Variants in KDM4B observed in about 807,000 individuals in gnomAD.
KDM4B encodes the protein lysine demethylase 4B.
A neutral mutation model predicts 125.2 loss-of-function variants in KDM4B; 32 were observed. That is an observed-to-expected ratio of 0.26 (90% CI 0.19 to 0.34). The LOEUF is 0.34. Ranked by LOEUF, KDM4B falls within the 10% of genes least tolerant of loss-of-function variation. The pLI, the probability that KDM4B is intolerant of heterozygous loss-of-function variation, is 1.00. For synonymous variants in KDM4B, 721 were observed against 677.9 expected (o/e 1.06, Z -0.99); for missense variants, 1,190 against 1,577.7 (o/e 0.75, Z 4.16).
chr19:5,070,792 C>T, intron 6 of KDM4B: 2 of 504,274 alleles, frequency 4.0e-6, no homozygotes, highest in South Asian at 2.7e-5. Context: ...CCATGGTCCT[C>T]ACTCCCCGCT....
intron 6 of KDM4B, among the ~76,000 whole-genome samples, chr19:5,056,346 C>T (rs1445464222): frequency 1.3e-5 from 2 of 152,166 alleles, no homozygotes; most frequent in African/African-American, 4.8e-5. Flanking sequence ...TGGCACTCCC[C>T]CGCTTTCCAT....
At chr19:5,000,266 C>T (rs987484594) in intron 1 of KDM4B, among the ~76,000 whole-genome samples, 7 of 141,128 alleles carry the variant, frequency 5.0e-5, no homozygotes, top group African/African-American at 1.8e-4. Context: ...TCCACCCATT[C>T]ACATATCCGT....
chr19:5,119,233 TCGTTC>T (rs1381577168), intron 10 of KDM4B: 34 of 1,493,688 alleles, frequency 2.3e-5, no homozygotes, highest in Non-Finnish European at 3.0e-5. Flanking sequence ...AGTGTCTTTT[TCGTTC>T]CGTTTGTCGT....
rs557045062 is a variant in KDM4B at position 4,971,273 on chromosome 19, T to C, written c.-109+2043T>C. On this transcript the variant is annotated intron_variant, in intron 1 of 22. Coordinates refer to ENST00000159111, the MANE Select transcript of KDM4B (RefSeq NM_015015.3). This position sits in a 1 kb window ranked among gnomAD's most constrained non-coding sequence, Gnocchi z 4.1. The stretch of plus-strand genomic sequence containing the variant: ...GCCTTTGTTGTACTTTTCTGTCTCG[T>C]GGAAGAGACCCTTCCTCAGCCTCCT... 1.1e-4 allele frequency among the ~76,000 whole-genome samples: 17 copies of C among 152,180 alleles called. No individual in the cohort carries two copies. The highest frequency in any genetic ancestry group is 2.5e-4 in the Non-Finnish European group (17 of 68,016).
chr19:5,026,614 C>G lies in KDM4B; in HGVS notation c.-25-6252C>G, dbSNP rs539810259. Among the ~76,000 whole-genome samples, 12 of 152,216 alleles carry G rather than the reference C, an allele frequency of 7.9e-5. No individual in the cohort carries two copies. The East Asian group carries it at 2.1e-3, about 27-fold the overall frequency. ...TGGTGGGGCCTGCACATTTGCTCAG[C>G]GGAGGAGGATTCTGGGGCCCTGGGT... On this transcript the variant is annotated intron_variant, in intron 2 of 22. Coordinates refer to ENST00000159111, the MANE Select transcript of KDM4B (RefSeq NM_015015.3).
At chr19:5,000,176 A>AT (rs2035335620) in intron 1 of KDM4B, among the ~76,000 whole-genome samples, 1 of 22,556 alleles carries the variant, frequency 4.4e-5, no homozygotes, top group Non-Finnish European at 8.3e-5. Flanking sequence ...CCACCTGTCC[A>AT]CCCACCCACC....
At chr19:5,044,167 G>T (rs2036946209) in intron 5 of KDM4B, among the ~76,000 whole-genome samples, 1 of 98,278 alleles carries the variant, frequency 1.0e-5, no homozygotes, top group Non-Finnish European at 2.1e-5. Flanking sequence ...TTATCGGAGT[G>T]GGGTGTCCAC....
chr19:5,114,337 G>A lies in KDM4B; in HGVS notation c.1115+3519G>A, dbSNP rs774697808. 1.6e-4 allele frequency: 134 copies of A among 821,784 alleles called. No homozygotes were observed. Among genetic ancestry groups the A allele is most frequent in the Non-Finnish European group, 2.3e-4 (131 of 561,632 alleles). The allele number at this position is 821,784 out of a possible 1,614,324, so 50.9% of individuals were successfully genotyped here. A position where few individuals can be genotyped will look rare whatever the true frequency, so the allele number is the denominator to read the frequency against. On this transcript the variant is annotated intron_variant, in intron 10 of 22. Transcript: ENST00000159111. The surrounding 1 kb of genome is among the most constrained non-coding windows in gnomAD (Gnocchi z 5.8). Reference sequence around the variant, plus strand: ...TCGTCTCCCCTACCCCTCCGAGCTCGGTGCTGCCTGTCCCCTCCTGCTCTG... The same window carrying A: ...TCGTCTCCCCTACCCCTCCGAGCTCAGTGCTGCCTGTCCCCTCCTGCTCTG...
rs2037607581 is a variant in KDM4B, at chr19:5,061,833, A to C, written c.627-9177A>C. ...GCAGCAAAGACCCTGTCTCTTAAAA[A>C]AAAAAAACAAAAAACAACAACAAAA... On this transcript the variant is annotated intron_variant, in intron 6 of 22. Coordinates refer to ENST00000159111, the MANE Select transcript of KDM4B (RefSeq NM_015015.3). Among the ~76,000 whole-genome samples, 6 of 151,970 alleles carry C rather than the reference A, an allele frequency of 3.9e-5. No homozygotes were observed. The South Asian group carries it at 1.2e-3, about 31-fold the overall frequency.
At chr19:5,097,059 A>C (rs1481700513) in intron 9 of KDM4B, among the ~76,000 whole-genome samples, 1 of 152,104 alleles carries the variant, frequency 6.6e-6, no homozygotes, top group African/African-American at 2.4e-5. Context: ...GAAAAGAACA[A>C]GGCACGTGCC....
rs1178512847 is a variant in KDM4B at position 5,111,646 on chromosome 19, G to A, written c.1115+828G>A. ...TGTCGACAGATCTCACTCCTGTTTGGTGCCCAAGGAACATTCAGGGAGCCC... is the reference window on the plus strand; with the variant it reads ...TGTCGACAGATCTCACTCCTGTTTGATGCCCAAGGAACATTCAGGGAGCCC... On this transcript the variant is annotated intron_variant, in intron 10 of 22. Coordinates refer to ENST00000159111, the MANE Select transcript of KDM4B (RefSeq NM_015015.3). 1.0e-5 allele frequency: 7 copies of A among 702,422 alleles called. No individual in the cohort carries two copies. The East Asian group carries it at 1.0e-4, about 10-fold the overall frequency. 43.5% of individuals were successfully genotyped at this position (702,422 alleles called of 1,614,324 possible). A position where few individuals can be genotyped will look rare whatever the true frequency, so the allele number is the denominator to read the frequency against.
chr19:4,999,626 A>C (rs570928096), intron 1 of KDM4B, among the ~76,000 whole-genome samples: 1 of 152,288 alleles, frequency 6.6e-6, no homozygotes, highest in African/African-American at 2.4e-5. Flanking sequence ...ATAGACATGT[A>C]TACATACAGA....
At chr19:4,998,899 CCTT>C (rs1354599718) in intron 1 of KDM4B, among the ~76,000 whole-genome samples, 1 of 152,164 alleles carries the variant, frequency 6.6e-6, no homozygotes, top group African/African-American at 2.4e-5. Flanking sequence ...GACATTGGGT[CCTT>C]CTTAGTGCGC....
chr19:5,068,515 C>G (rs1489516058), intron 6 of KDM4B, among the ~76,000 whole-genome samples: 1 of 152,260 alleles, frequency 6.6e-6, no homozygotes, highest in Non-Finnish European at 1.5e-5. Flanking sequence ...TCACTCAGTT[C>G]TGTGTGTCCT....
chr19:5,091,203 T>A (rs574436205), intron 9 of KDM4B, among the ~76,000 whole-genome samples: 2 of 152,128 alleles, frequency 1.3e-5, no homozygotes, highest in Non-Finnish European at 2.9e-5. Flanking sequence ...GATAAGGGTC[T>A]CTCCTCCAGA....
At chr19:5,049,780 C>T (rs569040478) in intron 6 of KDM4B, among the ~76,000 whole-genome samples, 1 of 152,226 alleles carries the variant, frequency 6.6e-6, no homozygotes, top group South Asian at 2.1e-4. Context: ...GGGCCCTGGT[C>T]ACCCCGTGTC....
At chr19:5,135,709 C>T in intron 15 of KDM4B, 148 bp downstream of exon 15, 1 of 653,914 alleles carries the variant, frequency 1.5e-6, no homozygotes, top group Non-Finnish European at 2.6e-6. Flanking sequence ...GGGGCCTCCC[C>T]CGGTGACTTC....
At chr19:5,149,377 C>T (rs78800447) in intron 21 of KDM4B, among the ~76,000 whole-genome samples, 12,960 of 152,284 alleles carry the variant, frequency 0.085, 610 homozygotes, top group East Asian at 0.16. Context: ...GTCACCCAGC[C>T]TGGAGTGCAG....
chr19:5,003,098 G>A (rs994026803), intron 1 of KDM4B, among the ~76,000 whole-genome samples: 2 of 152,122 alleles, frequency 1.3e-5, no homozygotes, highest in East Asian at 1.9e-4. Flanking sequence ...CTCACGTTCC[G>A]ATTCCACCGC....
Sources: allele counts gnomAD v4.1 joint callset (sites outside exome capture counted in the v4.1 genomes callset), GRCh38; gene constraint gnomAD v4.1.1; non-coding constraint Gnocchi (gnomAD v3.1); transcripts MANE v1.5; gene names NCBI Gene and HGNC (gene_info 2026-07-23, HGNC 2026-07-21).